STK32B: variants seen among roughly 807,000 people sequenced by gnomAD.
The protein encoded by STK32B is serine/threonine kinase 32B.
A neutral mutation model predicts 52.6 loss-of-function variants in STK32B; 43 were observed. The observed-to-expected ratio is 0.82, with a 90% CI of 0.64 to 1.05. The LOEUF (loss-of-function observed/expected upper bound fraction) is 1.05, where lower values mean the gene tolerates loss of function less well. Ranked by LOEUF, STK32B falls within the 50% of genes least tolerant of loss-of-function variation. The pLI, the probability that STK32B is intolerant of heterozygous loss-of-function variation, is 0.00. For missense variants in STK32B, 621 were observed against 534.6 expected (o/e 1.16, Z -1.59); for synonymous variants, 238 against 204.3 (o/e 1.17, Z -1.41).
At chr4:5,182,196 C>G (rs1218649694) in intron 3 of STK32B, among the ~76,000 whole-genome samples, 1 of 152,206 alleles carries the variant, frequency 6.6e-6, no homozygotes, top group African/African-American at 2.4e-5. Flanking sequence ...ACTTCTAATT[C>G]TAGTTCTCTT....
chr4:5,262,618 C>G (rs1022015282), intron 3 of STK32B, among the ~76,000 whole-genome samples: 1 of 144,586 alleles, frequency 6.9e-6, no homozygotes, highest in Non-Finnish European at 1.5e-5. Context: ...GAGCGAGACT[C>G]CATCTCAAAA....
rs58321341 is a variant in STK32B at position 5,184,695 on chromosome 4, A to AAAAAAAAAAAG, written c.260+16247_260+16248insAAAAAAAAGAA. On this transcript the variant is annotated intron_variant, in intron 3 of 11. Coordinates refer to ENST00000282908, the MANE Select transcript of STK32B (RefSeq NM_018401.3). ...GAGCGAGACTGTCTCAAAAAAAAAA[A>AAAAAAAAAAAG]AAGAAGAAGAAGAAGAAAAAGAAAA... Among the ~76,000 whole-genome samples, 121 of 137,550 alleles carry AAAAAAAAAAAG rather than the reference A, an allele frequency of 8.8e-4. 1 individual carries two copies. Among genetic ancestry groups the AAAAAAAAAAAG allele is most frequent in the South Asian group, 1.4e-3 (6 of 4,370 alleles). The allele number at this position is 137,550 out of a possible 152,430, so 90.2% of individuals were successfully genotyped here.
At chr4:5,404,390 A>G (rs549334187) in intron 5 of STK32B, among the ~76,000 whole-genome samples, 22 of 152,138 alleles carry the variant, frequency 1.4e-4, no homozygotes, top group African/African-American at 5.1e-4. Context: ...TGATAAGGAC[A>G]CTCATCATAC....
intron 1 of STK32B, among the ~76,000 whole-genome samples, chr4:5,117,451 A>G (rs1714793681): frequency 6.6e-6 from 1 of 152,158 alleles, no homozygotes; most frequent in African/African-American, 2.4e-5. Context: ...TGTCAACTCC[A>G]GATGAGAAAA....
intron 1 of STK32B, among the ~76,000 whole-genome samples, chr4:5,053,904 G>T (rs377676336): frequency 4.6e-5 from 7 of 151,982 alleles, no homozygotes; most frequent in African/African-American, 1.2e-4. Context: ...GCTTGAACCC[G>T]GGAGGCGGAG....
intron 6 of STK32B, among the ~76,000 whole-genome samples, chr4:5,442,725 T>C (rs1483907119): frequency 4.6e-5 from 7 of 152,210 alleles, no homozygotes; most frequent in Non-Finnish European, 8.8e-5. Context: ...TTTGGCATGA[T>C]TTTGCAGTGG....
intron 5 of STK32B, among the ~76,000 whole-genome samples, chr4:5,415,675 C>A (rs2109069616): frequency 6.6e-6 from 1 of 152,346 alleles, no homozygotes; most frequent in East Asian, 1.9e-4. Flanking sequence ...TACCTTGCTG[C>A]TGCATCTCAC....
intron 3 of STK32B, among the ~76,000 whole-genome samples, chr4:5,241,954 A>G (rs1020377032): frequency 6.6e-6 from 1 of 152,032 alleles, no homozygotes; most frequent in Non-Finnish European, 1.5e-5. Flanking sequence ...TATGTGCCAC[A>G]TTTTCTTAAT....
Position 5,398,318 on chromosome 4 carries a change from G to A in STK32B, c.472+74G>A. 1 of 1,547,502 alleles carries A rather than the reference G, an allele frequency of 6.5e-7. No individual in the cohort carries two copies. Among genetic ancestry groups the A allele is most frequent in the Non-Finnish European group, 8.9e-7 (1 of 1,125,392 alleles). On this transcript the variant is annotated intron_variant, in intron 5 of 11. Transcript: ENST00000282908. This position sits in a 1 kb window ranked among gnomAD's most constrained non-coding sequence, Gnocchi z 4.9. The stretch of plus-strand genomic sequence containing the variant: ...GGCACTGGGAAATAGTGCGGGGGTG[G>A]GGGTTGGGTCTTGCTGAGTTGGACA...
chr4:5,199,026 G>A (rs56106722), intron 3 of STK32B, among the ~76,000 whole-genome samples: 5,528 of 152,160 alleles, frequency 0.036, 319 homozygotes, highest in African/African-American at 0.12. Flanking sequence ...TGTACTGAAG[G>A]TAATGAGATT....
intron 1 of STK32B, among the ~76,000 whole-genome samples, chr4:5,061,235 T>G (rs1204326022): frequency 6.6e-6 from 1 of 152,210 alleles, no homozygotes; most frequent in Non-Finnish European, 1.5e-5. Flanking sequence ...CTGGCCTATC[T>G]CTTTTTTAGT....
intron 5 of STK32B, among the ~76,000 whole-genome samples, chr4:5,413,292 A>G (rs565474218): frequency 6.6e-5 from 10 of 152,326 alleles, no homozygotes; most frequent in African/African-American, 1.4e-4. Flanking sequence ...AGCAAGGAAC[A>G]AAGAGCCCAA....
rs73212752 is a variant in STK32B, at chr4:5,469,157, C to T, written c.1106+1087C>T. ...TGAGCCCCATTGGACCCACACTAAG[C>T]CAAGCTTTGGGTTGGTGGAGGCAAA... On this transcript the variant is annotated intron_variant, in intron 11 of 11. Coordinates refer to ENST00000282908, the MANE Select transcript of STK32B (RefSeq NM_018401.3). The surrounding 1 kb of genome is among the most constrained non-coding windows in gnomAD (Gnocchi z 4.7). Among the ~76,000 whole-genome samples, 2,643 of 152,244 alleles carry T rather than the reference C, an allele frequency of 0.017. 39 individuals are homozygous for T. The highest frequency in any genetic ancestry group is 0.069 in the East Asian group (359 of 5,174).
intron 1 of STK32B, among the ~76,000 whole-genome samples, chr4:5,119,756 G>A (rs950696029): frequency 3.9e-5 from 6 of 152,362 alleles, no homozygotes; most frequent in African/African-American, 1.4e-4. Flanking sequence ...GACATCATAT[G>A]TGAGCGACCT....
chr4:5,059,156 G>C (rs1742124983), intron 1 of STK32B, among the ~76,000 whole-genome samples: 1 of 135,190 alleles, frequency 7.4e-6, no homozygotes, highest in South Asian at 2.4e-4. Context: ...TCCCACCTCA[G>C]CCTACCAAAG....
At chr4:5,315,381 T>C (rs997535099) in intron 3 of STK32B, among the ~76,000 whole-genome samples, 1 of 152,096 alleles carries the variant, frequency 6.6e-6, no homozygotes, top group Non-Finnish European at 1.5e-5. Flanking sequence ...AGAATTACTT[T>C]AAGAGGGAAG....
chr4:5,166,625 G>A (rs1264519742), intron 2 of STK32B, among the ~76,000 whole-genome samples: 2 of 151,616 alleles, frequency 1.3e-5, no homozygotes, highest in Non-Finnish European at 2.9e-5. Context: ...AGGGGTTGCT[G>A]GAGCTGCCCA....
intron 3 of STK32B, among the ~76,000 whole-genome samples, chr4:5,288,901 A>G (rs1728712341): frequency 6.6e-6 from 1 of 152,326 alleles, no homozygotes; most frequent in Non-Finnish European, 1.5e-5. Context: ...TCTATGATTT[A>G]TCTTGAGTTT....
the STK32B span, among the ~76,000 whole-genome samples, chr4:5,040,069 G>A: frequency 6.6e-6 from 1 of 152,220 alleles, no homozygotes; most frequent in African/African-American, 2.4e-5. Flanking sequence ...ACAGCCTGCA[G>A]GAGTGGTAGG....
Sources: allele counts gnomAD v4.1 joint callset (sites outside exome capture counted in the v4.1 genomes callset), GRCh38; gene constraint gnomAD v4.1.1; non-coding constraint Gnocchi (gnomAD v3.1); transcripts MANE v1.5; gene names NCBI Gene and HGNC (gene_info 2026-07-23, HGNC 2026-07-21).